ZC2HC1B: variants seen among roughly 807,000 people sequenced by gnomAD.
ZC2HC1B encodes zinc finger C2HC domain-containing protein 1B.
ZC2HC1B carries 36 observed loss-of-function variants against 31.0 expected under a neutral mutation model. That is an observed-to-expected ratio of 1.16 (90% CI 0.89 to 1.54). The LOEUF is 1.54. Ranked by LOEUF, ZC2HC1B falls within the 40% of genes most tolerant of loss-of-function variation. The probability of loss-of-function intolerance (pLI) is 0.00; values close to 1 mark genes in which losing one functional copy is unlikely to be tolerated. For synonymous variants in ZC2HC1B, 73 were observed against 88.0 expected (o/e 0.83, Z 0.95); for missense variants, 260 against 268.6 (o/e 0.97, Z 0.22).
rs770906175 is a variant in ZC2HC1B, at chr6:143,903,118, C to T, written c.564C>T (p.Val188=). The change falls in exon 6 of 8, where the codon GTC becomes GTT. Residue 188 remains valine (V), a synonymous_variant. Transcript: ENST00000237275. This position sits in a 1 kb window ranked among gnomAD's most constrained non-coding sequence, Gnocchi z 4.3. The part of the protein sequence containing the change: ...SAVGALLQNR[V]LVATNEVPTK... ...TGGGAGCTTTGCTGCAGAACAGGGT[C>T]CTGGTGGCCACGAATGAAGTCCCAA... The T allele has an allele frequency of 6.4e-7, 1 of 1,551,952 alleles. No individual in the cohort carries two copies. Among genetic ancestry groups the T allele is most frequent in the Non-Finnish European group, 8.7e-7 (1 of 1,147,084 alleles).
rs1393678104 is a variant in ZC2HC1B, at chr6:143,922,850, T to G, written c.599-14799T>G. Among the ~76,000 whole-genome samples the G allele has an allele frequency of 6.6e-6, 1 of 152,356 alleles. No individual in the cohort carries two copies. The highest frequency in any genetic ancestry group is 1.9e-4 in the East Asian group (1 of 5,192). On this transcript the variant is annotated intron_variant, in intron 6 of 7. Transcript: ENST00000237275. This position sits in a 1 kb window ranked among gnomAD's most constrained non-coding sequence, Gnocchi z 5.0. ...TATCCCTTTGATATACTGATTTCCT[T>G]TCCTTTGAATAAATACCCAAGAGTG...
intron 4 of ZC2HC1B, among the ~76,000 whole-genome samples, chr6:143,890,795 A>C (rs1383150406): frequency 6.6e-6 from 1 of 152,184 alleles, no homozygotes; most frequent in East Asian, 1.9e-4. Flanking sequence ...GGTATAAACA[A>C]GTGAGTTGTA....
intron 6 of ZC2HC1B, among the ~76,000 whole-genome samples, chr6:143,936,133 C>T (rs9321950): frequency 0.65 from 98,475 of 151,996 alleles, 32,435 homozygotes; most frequent in South Asian, 0.79. Context: ...CCAGAGGAGA[C>T]ACATGTGTGT....
At chr6:143,890,335 A>C (rs1307791696) in intron 4 of ZC2HC1B, among the ~76,000 whole-genome samples, 3 of 151,652 alleles carry the variant, frequency 2.0e-5, no homozygotes, top group Non-Finnish European at 4.4e-5. Flanking sequence ...GCATATGATC[A>C]TCTCAATAGA....
chr6:143,927,446 C>T (rs1377330336), intron 6 of ZC2HC1B, among the ~76,000 whole-genome samples: 1 of 152,108 alleles, frequency 6.6e-6, no homozygotes, highest in Non-Finnish European at 1.5e-5. Context: ...ATAATGGCCT[C>T]CAAATCCATA....
chr6:143,906,642 C>T (rs1180601199), intron 6 of ZC2HC1B, among the ~76,000 whole-genome samples: 1 of 151,940 alleles, frequency 6.6e-6, no homozygotes, highest in Non-Finnish European at 1.5e-5. Flanking sequence ...TAGAGTTTTG[C>T]CATGTTAGCT....
Position 143,877,272 on chromosome 6 carries a change from C to CTTTTTTTTTT in ZC2HC1B, c.29-7014_29-7005dup, listed in dbSNP as rs34994479. Reference sequence around the variant, plus strand: ...TTTCTCCTAAAGATTTTTTTAATTTCTTTTTTTTTTTTTTTTTTTTTTTTT... The same window carrying CTTTTTTTTTT: ...TTTCTCCTAAAGATTTTTTTAATTTCTTTTTTTTTTTTTTTTTTTTTTTTTTTTTTTTTTT... On this transcript the variant is annotated intron_variant, in intron 1 of 7. Transcript: ENST00000237275. 1.1e-3 allele frequency among the ~76,000 whole-genome samples: 48 copies of CTTTTTTTTTT among 42,594 alleles called. 10 individuals carry two copies. The highest frequency in any genetic ancestry group is 3.2e-3 in the African/African-American group (27 of 8,320). The allele number at this position is 42,594 out of a possible 152,430, so 27.9% of individuals were successfully genotyped here. A position where few individuals can be genotyped will look rare whatever the true frequency, so the allele number is the denominator to read the frequency against.
Position 143,885,356 on chromosome 6 carries a change from T to C in ZC2HC1B, c.91-676T>C, listed in dbSNP as rs1203931029. Reference sequence around the variant, plus strand: ...GGAGCCACACCCCCTGAGAATTAGTTTGAGACCTGGGAGGTTCCATTTGCA... The same window carrying C: ...GGAGCCACACCCCCTGAGAATTAGTCTGAGACCTGGGAGGTTCCATTTGCA... On this transcript the variant is annotated intron_variant, in intron 2 of 7. Coordinates refer to ENST00000237275, the MANE Select transcript of ZC2HC1B (RefSeq NM_001013623.3). The surrounding 1 kb of genome is among the most constrained non-coding windows in gnomAD (Gnocchi z 4.2). Among the ~76,000 whole-genome samples the C allele has an allele frequency of 6.6e-6, 1 of 152,190 alleles. No homozygotes were observed. Among genetic ancestry groups the C allele is most frequent in the Admixed American group, 6.6e-5 (1 of 15,264 alleles).
chr6:143,928,803 T>C (rs1778081725), intron 6 of ZC2HC1B, among the ~76,000 whole-genome samples: 1 of 149,616 alleles, frequency 6.7e-6, no homozygotes, highest in African/African-American at 2.5e-5. Flanking sequence ...CTATCACTCC[T>C]TGTTTAAATG....
chr6:143,910,660 A>G (rs980129716), intron 6 of ZC2HC1B, among the ~76,000 whole-genome samples: 2 of 152,220 alleles, frequency 1.3e-5, no homozygotes, highest in African/African-American at 2.4e-5. Flanking sequence ...TATTGGGTGC[A>G]TATATATTTA....
intron 6 of ZC2HC1B, among the ~76,000 whole-genome samples, chr6:143,928,462 T>G (rs1043013367): frequency 6.6e-6 from 1 of 152,182 alleles, no homozygotes; most frequent in Non-Finnish European, 1.5e-5. Flanking sequence ...TTCTGTTCTG[T>G]TGATCTATAT....
At chr6:143,878,082 A>C (rs1208571356) in intron 1 of ZC2HC1B, among the ~76,000 whole-genome samples, 1 of 150,912 alleles carries the variant, frequency 6.6e-6, no homozygotes, top group African/African-American at 2.4e-5. Context: ...CTACTTGCTA[A>C]AACTTACTTG....
At chr6:143,935,106 A>G (rs1369482883) in intron 6 of ZC2HC1B, among the ~76,000 whole-genome samples, 2 of 144,652 alleles carry the variant, frequency 1.4e-5, no homozygotes, top group Non-Finnish European at 3.0e-5. Context: ...TTAGTCCCCT[A>G]GGAGGAGTAT....
rs1294028094 is a variant in ZC2HC1B at position 143,870,432 on chromosome 6, G to A, written c.28+5865G>A. Among the ~76,000 whole-genome samples the A allele has an allele frequency of 6.6e-6, 1 of 152,154 alleles. No homozygotes were observed. Among genetic ancestry groups the A allele is most frequent in the Non-Finnish European group, 1.5e-5 (1 of 68,034 alleles). ...CATTGGTGCAGGCTAGGGGAGAGAA[G>A]GCAAGGTGGCAGGAGTCTCCACCTT... On this transcript the variant is annotated intron_variant, in intron 1 of 7. Transcript: ENST00000237275. The surrounding 1 kb of genome is among the most constrained non-coding windows in gnomAD (Gnocchi z 4.7).
Position 143,933,966 on chromosome 6 carries a change from A to C in ZC2HC1B, c.599-3683A>C, listed in dbSNP as rs1022374135. Among the ~76,000 whole-genome samples, 1 of 152,142 alleles carries C rather than the reference A, an allele frequency of 6.6e-6. No homozygotes were observed. The highest frequency in any genetic ancestry group is 2.4e-5 in the African/African-American group (1 of 41,430). ...CAAATTCTGCCAGTTGCCTTCCCCG[A>C]GGGCTCTTGTGAGATAGAGTCAGGG... On this transcript the variant is annotated intron_variant, in intron 6 of 7. Coordinates refer to ENST00000237275, the MANE Select transcript of ZC2HC1B (RefSeq NM_001013623.3). This position sits in a 1 kb window ranked among gnomAD's most constrained non-coding sequence, Gnocchi z 6.4.
intron 6 of ZC2HC1B, among the ~76,000 whole-genome samples, chr6:143,906,747 CTT>C (rs34216042): frequency 0.069 from 10,050 of 146,640 alleles, 339 homozygotes; most frequent in Middle Eastern, 0.11. Context: ...CCCAGCCCCT[CTT>C]TTTTTTTTTT....
Position 143,905,772 on chromosome 6 carries a change from T to C in ZC2HC1B, c.598+2620T>C, listed in dbSNP as rs1475112664. Among the ~76,000 whole-genome samples the C allele has an allele frequency of 6.6e-6, 1 of 152,202 alleles. No homozygotes were observed. Among genetic ancestry groups the C allele is most frequent in the African/African-American group, 2.4e-5 (1 of 41,446 alleles). On this transcript the variant is annotated intron_variant, in intron 6 of 7. Coordinates refer to ENST00000237275, the MANE Select transcript of ZC2HC1B (RefSeq NM_001013623.3). The surrounding 1 kb of genome is among the most constrained non-coding windows in gnomAD (Gnocchi z 4.2). Reference sequence around the variant, plus strand: ...GAGTGTTTTTATCATGAAAGGGTGTTGAATTTTCTCAAATGGTTTTTTTTG... The same window carrying C: ...GAGTGTTTTTATCATGAAAGGGTGTCGAATTTTCTCAAATGGTTTTTTTTG...
At chr6:143,866,915 G>T (rs1042938880) in intron 1 of ZC2HC1B, among the ~76,000 whole-genome samples, 1 of 152,108 alleles carries the variant, frequency 6.6e-6, no homozygotes, top group Non-Finnish European at 1.5e-5. Context: ...TTCCCCTCAG[G>T]TAATTCTTGC....
chr6:143,902,902 T>C, intron 5 of ZC2HC1B, 142 bp from the exon 6 acceptor site: 1 of 695,234 alleles, frequency 1.4e-6, no homozygotes, highest in Non-Finnish European at 2.4e-6. Context: ...TGTGTGTCTG[T>C]CCCCTTCCCC....
Sources: gnomAD v4.1 joint callset for allele counts (sites outside exome capture counted in the v4.1 genomes callset) on GRCh38, gnomAD v4.1.1 for gene constraint, Gnocchi (gnomAD v3.1) non-coding constraint, MANE v1.5 for transcripts, NCBI Gene and HGNC (gene_info 2026-07-23, HGNC 2026-07-21) for gene names.